Variants in RARB observed in about 807,000 individuals in gnomAD.
RARB encodes HBV-activated protein.
A neutral mutation model predicts 51.9 loss-of-function variants in RARB; 17 were observed. That is an observed-to-expected ratio of 0.33 (90% CI 0.22 to 0.49). The LOEUF is 0.49. RARB is among the 20% of genes least tolerant of loss of function. The pLI, the probability that RARB is intolerant of heterozygous loss-of-function variation, is 0.99. For synonymous variants in RARB, 215 were observed against 195.4 expected (o/e 1.10, Z -0.84); for missense variants, 369 against 550.8 (o/e 0.67, Z 3.30).
chr3:24,962,672 C>A (rs1159471335), intron 2 of RARB, among the ~76,000 whole-genome samples: 1 of 152,180 alleles, frequency 6.6e-6, no homozygotes, highest in East Asian at 1.9e-4. Flanking sequence ...ACATGGAAGG[C>A]ATCTGGGTTG....
intron 5 of RARB, among the ~76,000 whole-genome samples, chr3:25,376,750 C>T (rs1706473020): frequency 6.6e-6 from 1 of 152,214 alleles, no homozygotes; most frequent in African/African-American, 2.4e-5. Flanking sequence ...TGGCTCATTG[C>T]ATCCATGTGG....
intron 2 of RARB, among the ~76,000 whole-genome samples, chr3:24,940,138 A>G (rs1469273359): frequency 1.4e-4 from 21 of 152,196 alleles, no homozygotes; most frequent in Admixed American, 1.4e-3. Flanking sequence ...AGTAATCTAG[A>G]CACGTCTCCT....
At chr3:24,834,360 G>GTACA (rs1220734550) in intron 1 of RARB, among the ~76,000 whole-genome samples, 9 of 152,108 alleles carry the variant, frequency 5.9e-5, no homozygotes, top group African/African-American at 1.9e-4. Flanking sequence ...GGCCAGCACA[G>GTACA]TACATATAAT....
At chr3:25,245,651 A>G (rs543377046) in intron 5 of RARB, among the ~76,000 whole-genome samples, 3 of 152,196 alleles carry the variant, frequency 2.0e-5, no homozygotes, top group Non-Finnish European at 4.4e-5. Flanking sequence ...TCTTGCTTGT[A>G]GGGTTTCTGA....
At chr3:25,011,909 A>G (rs1444927042) in intron 2 of RARB, among the ~76,000 whole-genome samples, 2 of 152,112 alleles carry the variant, frequency 1.3e-5, no homozygotes, top group Non-Finnish European at 2.9e-5. Context: ...AAAAAGAGGC[A>G]CAATTTTATT....
chr3:25,226,382 C>T lies in RARB; in HGVS notation c.178+51807C>T, dbSNP rs1004598641. Among the ~76,000 whole-genome samples the T allele has an allele frequency of 7.2e-5, 11 of 152,100 alleles. No homozygotes were observed. In the South Asian group the frequency reaches 1.7e-3, roughly 23 times the overall value. The stretch of plus-strand genomic sequence containing the variant: ...ATAATTTAGTTTTACCCCTAAATAG[C>T]TTCATTGCAATATTTCTCTCAGGAA... On this transcript the variant is annotated intron_variant, in intron 5 of 11. Coordinates refer to the RARB transcript ENST00000383772.
At chr3:25,537,472 A>G (rs777780225) in intron 3 of RARB, among the ~76,000 whole-genome samples, 30 of 152,300 alleles carry the variant, frequency 2.0e-4, no homozygotes, top group South Asian at 6.2e-4. Flanking sequence ...TCGCAATACT[A>G]TGCACTGACT....
intron 3 of RARB, among the ~76,000 whole-genome samples, chr3:25,504,755 G>A (rs963974660): frequency 6.8e-6 from 1 of 146,604 alleles, no homozygotes; most frequent in African/African-American, 2.5e-5. Flanking sequence ...TATGTGCCAA[G>A]TATTACATTA....
At chr3:24,895,659 G>T (rs1290559185) in intron 2 of RARB, among the ~76,000 whole-genome samples, 4 of 151,156 alleles carry the variant, frequency 2.6e-5, no homozygotes, top group Non-Finnish European at 4.4e-5. Flanking sequence ...TTTCACCCAG[G>T]CTGGGTCTTT....
intron 5 of RARB, among the ~76,000 whole-genome samples, chr3:25,191,526 CA>C (rs573473845): frequency 2.4e-3 from 363 of 151,996 alleles, no homozygotes; most frequent in African/African-American, 8.4e-3. Context: ...GGAAAGAATC[CA>C]AAAATGGACA....
chr3:25,229,656 CTT>C (rs376375418), intron 5 of RARB, among the ~76,000 whole-genome samples: 1 of 148,922 alleles, frequency 6.7e-6, no homozygotes, highest in Non-Finnish European at 1.5e-5. Flanking sequence ...AATGGGCACC[CTT>C]TTTTTTTTCT....
intron 2 of RARB, among the ~76,000 whole-genome samples, chr3:24,862,625 A>G (rs572634161): frequency 6.6e-6 from 1 of 152,244 alleles, no homozygotes; most frequent in African/African-American, 2.4e-5. Flanking sequence ...GTAGTCACTT[A>G]GTCATTTCAA....
At chr3:25,510,440 A>G (rs568634195) in intron 3 of RARB, among the ~76,000 whole-genome samples, 7 of 152,258 alleles carry the variant, frequency 4.6e-5, no homozygotes, top group African/African-American at 1.4e-4. Flanking sequence ...CCTGGGCAAC[A>G]CAGTGAAACC....
intron 1 of RARB, among the ~76,000 whole-genome samples, chr3:25,430,777 T>C (rs1226506861): frequency 6.6e-6 from 1 of 152,140 alleles, no homozygotes; most frequent in Non-Finnish European, 1.5e-5. Context: ...TTTCAGAAAT[T>C]CCAGTGTCTT....
At chr3:25,551,435 G>A (rs1292408848) in intron 3 of RARB, among the ~76,000 whole-genome samples, 1 of 152,206 alleles carries the variant, frequency 6.6e-6, no homozygotes, top group African/African-American at 2.4e-5. Flanking sequence ...GGATAAGGAA[G>A]AGAGGAGGAT....
At chr3:25,188,130 G>T (rs1028293202) in intron 5 of RARB, among the ~76,000 whole-genome samples, 1 of 151,892 alleles carries the variant, frequency 6.6e-6, no homozygotes, top group African/African-American at 2.4e-5. Context: ...ATATGTTTTG[G>T]GGTATCCATG....
At chr3:25,377,841 G>T (rs1457842715) in intron 5 of RARB, among the ~76,000 whole-genome samples, 1 of 152,146 alleles carries the variant, frequency 6.6e-6, no homozygotes, top group Non-Finnish European at 1.5e-5. Flanking sequence ...TCCAAATGGG[G>T]AAAATGAGGC....
chr3:24,904,176 A>G (rs953186105), intron 2 of RARB, among the ~76,000 whole-genome samples: 11 of 152,194 alleles, frequency 7.2e-5, no homozygotes, highest in African/African-American at 1.9e-4. Context: ...TTAACTTCCA[A>G]CTGTCTTATC....
At chr3:24,916,423 G>C (rs918152778) in intron 2 of RARB, among the ~76,000 whole-genome samples, 1 of 152,094 alleles carries the variant, frequency 6.6e-6, no homozygotes, top group African/African-American at 2.4e-5. Context: ...CAGCATTTTA[G>C]TATTCCTAGA....
Sources: allele counts gnomAD v4.1 joint callset (sites outside exome capture counted in the v4.1 genomes callset), GRCh38; gene constraint gnomAD v4.1.1; transcripts MANE v1.5; gene names NCBI Gene and HGNC (gene_info 2026-07-23, HGNC 2026-07-21).